The following ZFHX4 variants were observed in gnomAD, a reference collection of about 807,000 sequenced individuals.
The protein encoded by ZFHX4 is zinc finger homeobox 4, also known as zinc finger homeobox protein 4.
ZFHX4 carries 56 observed loss-of-function variants against 267.6 expected under a neutral mutation model. The ratio of observed to expected loss-of-function variants is 0.21; its 90% CI spans 0.17 to 0.26. ZFHX4 has a LOEUF of 0.26. ZFHX4 is among the 10% of genes least tolerant of loss of function. The pLI, the probability that ZFHX4 is intolerant of heterozygous loss-of-function variation, is 1.00. For synonymous variants in ZFHX4, 1,778 were observed against 1,665.6 expected, an observed-to-expected ratio of 1.07 and a Z score of -1.64; for missense variants, 4,332 against 4,420.0, an observed-to-expected ratio of 0.98 and a Z score of 0.56.
chr8:76,711,605 A>G (rs1220077087), intron 3 of ZFHX4, among the ~76,000 whole-genome samples: 1 of 152,174 alleles, frequency 6.6e-6, no homozygotes, highest in Non-Finnish European at 1.5e-5. Flanking sequence ...ATTGGTTCTC[A>G]ATAAATATTT....
intron 4 of ZFHX4, among the ~76,000 whole-genome samples, chr8:76,808,280 C>T (rs1811293572): frequency 6.6e-6 from 1 of 152,050 alleles, no homozygotes; most frequent in East Asian, 1.9e-4. Flanking sequence ...AAAAATAGCC[C>T]CTCTTTTTCT....
rs1813054014 is a variant in ZFHX4 at position 76,867,102 on chromosome 8, A to T, written c.*2537A>T. 1 of 152,612 alleles carries T rather than the reference A, an allele frequency of 6.6e-6. No homozygotes were observed. The highest frequency in any genetic ancestry group is 2.4e-5 in the African/African-American group (1 of 41,452). 9.5% of individuals were successfully genotyped at this position (152,612 alleles called of 1,614,324 possible). ...TTGTTACTGTAATGTTTGAAGTCTC[A>T]AATGCACCGTATTACGGTAAATAAC... is the stretch of plus-strand genomic sequence containing the variant. On this transcript the variant is annotated 3_prime_UTR_variant, in exon 11 of 11. Transcript: ENST00000651372.
chr8:76,858,735 A>C (rs1398745091), intron 10 of ZFHX4, among the ~76,000 whole-genome samples: 5 of 152,312 alleles, frequency 3.3e-5, no homozygotes, highest in African/African-American at 1.2e-4. Context: ...TCTTTGCTTA[A>C]TGGGAGAGAT....
At chr8:76,695,882 C>T (rs996460613) in intron 1 of ZFHX4, among the ~76,000 whole-genome samples, 9 of 152,248 alleles carry the variant, frequency 5.9e-5, no homozygotes, top group Non-Finnish European at 1.2e-4. Context: ...TAATTGCTGC[C>T]AACTATTGTC....
At position 76,822,213 on chromosome 8, in the gene ZFHX4, G is replaced by A. The variant is rs77804634; in HGVS notation, c.3326-11125G>A. On this transcript the variant is annotated intron_variant, in intron 4 of 10. Transcript: ENST00000651372. Reference sequence around the variant, plus strand: ...GGCCAAAAACATTGGAATAATCATTGATTCTTTTCAGTTTCTCCCATTCCT... The same window carrying A: ...GGCCAAAAACATTGGAATAATCATTAATTCTTTTCAGTTTCTCCCATTCCT... Among the ~76,000 whole-genome samples, 473 of 152,096 alleles carry A rather than the reference G, an allele frequency of 3.1e-3. 2 individuals are homozygous for A. Among genetic ancestry groups the A allele is most frequent in the African/African-American group, 0.011 (450 of 41,484 alleles).
In ZFHX4 at chr8:76,851,134, G is replaced by A. The variant is rs974800806; in HGVS notation, c.4213G>A (p.Ala1405Thr). The part of the protein sequence containing the change: ...YKYRCNHCSL[A>T]FKTMQKLQIH... Reference sequence around the variant, plus strand: ...GTATCGCTGTAACCATTGTAGCTTGGCTTTCAAAACTATGCAGAAGCTTCA... The same window carrying A: ...GTATCGCTGTAACCATTGTAGCTTGACTTTCAAAACTATGCAGAAGCTTCA... Residue 1405 changes from alanine to threonine, a missense_variant, in exon 10 of 11, where the codon GCT becomes ACT. Physicochemically the swap from Ala to Thr is moderately conservative, Grantham distance 58. This residue lies in a region of ZFHX4 where 1,371 missense variants were observed against 1,423.1 expected (regional missense o/e 0.96). Coordinates refer to ENST00000651372, the MANE Select transcript of ZFHX4 (RefSeq NM_024721.5). 7.4e-6 allele frequency: 12 copies of A among 1,613,936 alleles called. No individual in the cohort carries two copies. The highest frequency in any genetic ancestry group is 1.0e-5 in the Non-Finnish European group (12 of 1,179,876).
intron 6 of ZFHX4, among the ~76,000 whole-genome samples, chr8:76,848,670 G>T (rs1051423320): frequency 1.3e-5 from 2 of 152,160 alleles, no homozygotes; most frequent in Admixed American, 6.5e-5. Context: ...GTTAGTATTT[G>T]TGAAAGGGAG....
chr8:76,848,981 T>A lies in ZFHX4; in HGVS notation c.3512-14T>A, dbSNP rs767380265. On this transcript the variant is annotated splice_polypyrimidine_tract_variant and intron_variant, in intron 6 of 10. Coordinates refer to ENST00000651372, the MANE Select transcript of ZFHX4 (RefSeq NM_024721.5). ...GTTTTTAAATTGAATTGTTCTATTC[T>A]TTTTGGGAATCAGGGATAATCACAC... is the stretch of plus-strand genomic sequence containing the variant. The A allele has an allele frequency of 1.1e-5, 17 of 1,506,320 alleles. 1 individual carries two copies. The South Asian group carries it at 2.1e-4, about 18-fold the overall frequency. The allele number at this position is 1,506,320 out of a possible 1,614,324, so 93.3% of individuals were successfully genotyped here.
chr8:76,735,762 G>C (rs959530511), intron 3 of ZFHX4, among the ~76,000 whole-genome samples: 3 of 152,046 alleles, frequency 2.0e-5, no homozygotes, highest in South Asian at 2.1e-4. Context: ...TCAATGGATC[G>C]AGGGGAGAAG....
In ZFHX4 at chr8:76,852,706, C is replaced by A; in HGVS notation, c.5785C>A (p.Gln1929Lys). 1 of 1,613,832 alleles carries A rather than the reference C, an allele frequency of 6.2e-7. No homozygotes were observed. Reference sequence around the variant, plus strand: ...GGTCATTCAGTATAACGAAAACAGGCAGAAGGTACAGAAGAAGGGCAAAAG... The same window carrying A: ...GGTCATTCAGTATAACGAAAACAGGAAGAAGGTACAGAAGAAGGGCAAAAG... Reference protein sequence around the residue: ...ELVIQYNENRQKVQKKGKSGE... With the variant: ...ELVIQYNENRKKVQKKGKSGE... Residue 1929 changes from glutamine (Q) to lysine (K), a missense_variant, in exon 10 of 11, where the codon CAG becomes AAG. Coordinates refer to ENST00000651372, the MANE Select transcript of ZFHX4 (RefSeq NM_024721.5).
intron 4 of ZFHX4, among the ~76,000 whole-genome samples, chr8:76,801,571 C>G (rs79030691): frequency 6.6e-6 from 1 of 152,256 alleles, no homozygotes; most frequent in South Asian, 2.1e-4. Flanking sequence ...GCCTATTGTT[C>G]TCTTCTAACC....
intron 4 of ZFHX4, among the ~76,000 whole-genome samples, chr8:76,832,451 T>G (rs1811960492): frequency 6.6e-6 from 1 of 152,126 alleles, no homozygotes; most frequent in South Asian, 2.1e-4. Context: ...TACTCAAGAT[T>G]CTATTTTCTA....
At chr8:76,845,601 A>G (rs761580251) in intron 6 of ZFHX4, among the ~76,000 whole-genome samples, 3 of 152,046 alleles carry the variant, frequency 2.0e-5, no homozygotes, top group Non-Finnish European at 2.9e-5. Flanking sequence ...ACATTGACTC[A>G]TTAATAATAA....
rs1269635778 is a variant in ZFHX4 at position 76,865,726 on chromosome 8, A to C, written c.*1161A>C. The C allele has an allele frequency of 6.6e-6, 1 of 152,564 alleles. No individual in the cohort carries two copies. The highest frequency in any genetic ancestry group is 1.9e-4 in the East Asian group (1 of 5,194). 9.5% of individuals were successfully genotyped at this position (152,564 alleles called of 1,614,324 possible). ...TTAAAAAATAAAAAGGGGACTAAAA[A>C]TTTGTTTTGTATAAAGAGGTTAGCC... On this transcript the variant is annotated 3_prime_UTR_variant, in exon 11 of 11. Transcript: ENST00000651372.
chr8:76,763,799 G>A (rs1475830215), intron 3 of ZFHX4, among the ~76,000 whole-genome samples: 1 of 152,066 alleles, frequency 6.6e-6, no homozygotes, highest in Admixed American at 6.6e-5. Context: ...CATATAAGCT[G>A]CTTAAAATGT....
chr8:76,775,899 T>TC (rs1309410617), intron 3 of ZFHX4, among the ~76,000 whole-genome samples: 1 of 151,028 alleles, frequency 6.6e-6, no homozygotes, highest in African/African-American at 2.4e-5. Context: ...AGTTTTCTTT[T>TC]TTTTTTTTTT....
At chr8:76,827,396 G>A (rs1033708993) in intron 4 of ZFHX4, among the ~76,000 whole-genome samples, 3 of 152,134 alleles carry the variant, frequency 2.0e-5, no homozygotes, top group South Asian at 2.1e-4. Context: ...GACCAGGAGC[G>A]AGCCACAGCC....
intron 6 of ZFHX4, among the ~76,000 whole-genome samples, chr8:76,844,963 A>G (rs1329840056): frequency 6.6e-6 from 1 of 152,110 alleles, no homozygotes; most frequent in East Asian, 1.9e-4. Context: ...ATAACCACTT[A>G]CATTTATTGT....
chr8:76,692,354 A>G (rs868049967), intron 1 of ZFHX4, among the ~76,000 whole-genome samples: 2 of 152,128 alleles, frequency 1.3e-5, no homozygotes, highest in Non-Finnish European at 2.9e-5. Flanking sequence ...CTTGCTATTA[A>G]TGATATTATA....
Sources: allele counts gnomAD v4.1 joint callset (sites outside exome capture counted in the v4.1 genomes callset), GRCh38; gene constraint gnomAD v4.1.1; regional missense constraint gnomAD v4.1.1; transcripts MANE v1.5; gene names NCBI Gene and HGNC (gene_info 2026-07-23, HGNC 2026-07-21).